The following XRCC4 variants were observed in gnomAD, a reference collection of about 807,000 sequenced individuals.
XRCC4 encodes DNA repair protein XRCC4.
A neutral mutation model predicts 39.1 loss-of-function variants in XRCC4; 28 were observed. The ratio of observed to expected loss-of-function variants is 0.72; its 90% CI spans 0.53 to 0.98. XRCC4 has a LOEUF of 0.98. XRCC4 is among the 50% of genes least tolerant of loss of function. The pLI is 0.00. For missense variants in XRCC4, 350 were observed against 376.4 expected (o/e 0.93, Z 0.58); for synonymous variants, 123 against 126.4 (o/e 0.97, Z 0.18).
chr5:83,354,081 A>G (rs1397440550), downstream of XRCC4, among the ~76,000 whole-genome samples: 2 of 152,104 alleles, frequency 1.3e-5, no homozygotes, highest in Non-Finnish European at 2.9e-5. Context: ...ACTCAAAGTT[A>G]ACAACATCAG....
chr5:83,371,530 G>T, the XRCC4 span, among the ~76,000 whole-genome samples: 1 of 152,126 alleles, frequency 6.6e-6, no homozygotes, highest in Non-Finnish European at 1.5e-5. Context: ...CTACATGTCA[G>T]ATGCATCTGA....
the XRCC4 span, among the ~76,000 whole-genome samples, chr5:83,368,195 A>C: frequency 6.6e-6 from 1 of 152,194 alleles, no homozygotes; most frequent in Non-Finnish European, 1.5e-5. Flanking sequence ...TAAGAGTCAA[A>C]GAATTGAGTT....
chr5:83,114,999 G>T (rs1368103687), intron 3 of XRCC4, among the ~76,000 whole-genome samples: 1 of 152,158 alleles, frequency 6.6e-6, no homozygotes, highest in Non-Finnish European at 1.5e-5. Context: ...AAGAGAGCAT[G>T]TGCAGGGGAG....
chr5:83,315,115 A>G (rs1246544014), intron 7 of XRCC4, among the ~76,000 whole-genome samples: 1 of 152,176 alleles, frequency 6.6e-6, no homozygotes, highest in Non-Finnish European at 1.5e-5. Context: ...ATGAATGACA[A>G]GAAAGTAACA....
At chr5:83,240,479 A>T (rs571874215) in intron 6 of XRCC4, among the ~76,000 whole-genome samples, 2 of 152,284 alleles carry the variant, frequency 1.3e-5, no homozygotes, top group Admixed American at 1.3e-4. Context: ...AATTGACAGA[A>T]CTTAATTATT....
intron 1 of XRCC4, among the ~76,000 whole-genome samples, chr5:83,102,664 A>G (rs1391571428): frequency 1.3e-5 from 2 of 152,110 alleles, no homozygotes; most frequent in Admixed American, 1.3e-4. Flanking sequence ...GACTGGAAAT[A>G]AAAGTCTTAG....
At chr5:83,316,866 A>G (rs1755907229) in intron 7 of XRCC4, among the ~76,000 whole-genome samples, 2 of 85,028 alleles carry the variant, frequency 2.4e-5, no homozygotes, top group East Asian at 6.4e-4. Context: ...ATAGACATCT[A>G]CAGAACTCTC....
chr5:83,218,849 T>C (rs952422523), intron 6 of XRCC4, among the ~76,000 whole-genome samples: 4 of 152,192 alleles, frequency 2.6e-5, no homozygotes, highest in Non-Finnish European at 4.4e-5. Context: ...TCTTTGGATT[T>C]ATGTGTAAAA....
At chr5:83,188,625 A>G (rs2112675335) in intron 3 of XRCC4, among the ~76,000 whole-genome samples, 1 of 152,228 alleles carries the variant, frequency 6.6e-6, no homozygotes, top group East Asian at 1.9e-4. Context: ...CAATCACGGC[A>G]GAAGATGATG....
At chr5:83,313,582 A>C (rs930357338) in intron 7 of XRCC4, among the ~76,000 whole-genome samples, 10 of 152,100 alleles carry the variant, frequency 6.6e-5, no homozygotes, top group Non-Finnish European at 1.2e-4. Context: ...GAAAAAAAAG[A>C]TTCCTTTCAT....
intron 3 of XRCC4, among the ~76,000 whole-genome samples, chr5:83,186,966 C>A (rs1750474261): frequency 2.3e-5 from 2 of 85,154 alleles, no homozygotes; most frequent in African/African-American, 7.3e-5. Context: ...TTTTTTGAGA[C>A]GGAGTCTCGC....
At chr5:83,094,241 G>T (rs1325438465) in intron 1 of XRCC4, among the ~76,000 whole-genome samples, 2 of 151,418 alleles carry the variant, frequency 1.3e-5, no homozygotes, top group African/African-American at 4.9e-5. Context: ...TTATGTATAG[G>T]TTAGGTCTCT....
chr5:83,081,827 C>T (rs1257894308), intron 1 of XRCC4, among the ~76,000 whole-genome samples: 1 of 152,178 alleles, frequency 6.6e-6, no homozygotes, highest in East Asian at 1.9e-4. Context: ...TGTTCCAATT[C>T]CTCTTTTTCT....
chr5:83,108,499 G>A (rs1746301554), intron 2 of XRCC4, among the ~76,000 whole-genome samples: 1 of 151,854 alleles, frequency 6.6e-6, no homozygotes, highest in Non-Finnish European at 1.5e-5. Context: ...ATAACTGACA[G>A]ATATCTAAAA....
At chr5:83,139,607 C>A (rs1191259552) in intron 3 of XRCC4, among the ~76,000 whole-genome samples, 1 of 152,104 alleles carries the variant, frequency 6.6e-6, no homozygotes, top group Non-Finnish European at 1.5e-5. Flanking sequence ...TAGGTGATTT[C>A]TTTGATGATG....
intron 3 of XRCC4, among the ~76,000 whole-genome samples, chr5:83,178,152 AGGTT>A (rs2112641428): frequency 1.3e-5 from 2 of 152,200 alleles, no homozygotes; most frequent in African/African-American, 4.8e-5. Context: ...AGATGGGTAG[AGGTT>A]TCGGTTACTG....
At chr5:83,262,908 A>T (rs1271131944) in intron 7 of XRCC4, among the ~76,000 whole-genome samples, 1 of 141,728 alleles carries the variant, frequency 7.1e-6, no homozygotes, top group African/African-American at 2.6e-5. Flanking sequence ...TTAGTTACAT[A>T]TGTATACATG....
intron 1 of XRCC4, among the ~76,000 whole-genome samples, chr5:83,084,260 T>G (rs1023297481): frequency 3.3e-5 from 5 of 152,224 alleles, no homozygotes; most frequent in African/African-American, 1.2e-4. Flanking sequence ...ATCCTTTTGA[T>G]ACAAGTAGGA....
intron 7 of XRCC4, among the ~76,000 whole-genome samples, chr5:83,284,717 AAT>A (rs2112962475): frequency 6.6e-6 from 1 of 152,236 alleles, no homozygotes; most frequent in East Asian, 1.9e-4. Flanking sequence ...TTGTTGACAT[AAT>A]ATGTCAGTGT....
Sources: gnomAD v4.1 joint callset for allele counts (sites outside exome capture counted in the v4.1 genomes callset) on GRCh38, gnomAD v4.1.1 for gene constraint, MANE v1.5 for transcripts, NCBI Gene and HGNC (gene_info 2026-07-23, HGNC 2026-07-21) for gene names.